AGBL3: variants seen among roughly 807,000 people sequenced by gnomAD.
AGBL3 encodes cytosolic carboxypeptidase 3.
AGBL3 carries 68 observed loss-of-function variants against 94.5 expected under a neutral mutation model. The observed-to-expected ratio is 0.72, with a 90% CI of 0.59 to 0.88. AGBL3 has a LOEUF of 0.88. Ranked by LOEUF, AGBL3 falls within the 40% of genes least tolerant of loss-of-function variation. The probability of loss-of-function intolerance (pLI) is 0.00; values close to 1 mark genes in which losing one functional copy is unlikely to be tolerated. For synonymous variants in AGBL3, 354 were observed against 370.7 expected (o/e 0.95, Z 0.52); for missense variants, 934 against 1,103.8 (o/e 0.85, Z 2.18).
At chr7:135,035,848 GAACTT>G (rs1215343435) in intron 7 of AGBL3, among the ~76,000 whole-genome samples, 2 of 152,082 alleles carry the variant, frequency 1.3e-5, no homozygotes, top group African/African-American at 4.8e-5. Context: ...TCATATTTAA[GAACTT>G]AACTTGATAT....
intron 15 of AGBL3, among the ~76,000 whole-genome samples, chr7:135,110,330 G>A (rs1825442345): frequency 1.3e-5 from 2 of 152,216 alleles, no homozygotes; most frequent in Non-Finnish European, 2.9e-5. Flanking sequence ...GGTATGTACA[G>A]AGGTCTAACT....
At chr7:135,025,164 T>C (rs994728900) in intron 5 of AGBL3, among the ~76,000 whole-genome samples, 7 of 151,430 alleles carry the variant, frequency 4.6e-5, no homozygotes, top group Non-Finnish European at 1.0e-4. Context: ...TCATGGTACA[T>C]AGTCAGCAGA....
intron 4 of AGBL3, among the ~76,000 whole-genome samples, chr7:135,015,013 C>A (rs560933483): frequency 6.6e-6 from 1 of 152,140 alleles, no homozygotes; most frequent in Non-Finnish European, 1.5e-5. Flanking sequence ...CAGACATCAA[C>A]AAGGATAGTA....
chr7:135,127,767 C>T (rs556769983), intron 16 of AGBL3, among the ~76,000 whole-genome samples: 159 of 152,144 alleles, frequency 1.0e-3, no homozygotes, highest in Non-Finnish European at 1.7e-3. Context: ...GACAGTATGG[C>T]GATTCCTCAA....
At position 135,036,975 on chromosome 7, in the gene AGBL3, A is replaced by G. The variant is rs1584909092; in HGVS notation, c.1338-443A>G. ...TCTGTTGCCCAGGCTGGAGTGCAGT[A>G]GTAATGCTGTCTTCGCTCACTGCAA... On this transcript the variant is annotated intron_variant, in intron 7 of 16. Transcript: ENST00000436302. Among the ~76,000 whole-genome samples, 4 of 152,096 alleles carry G rather than the reference A, an allele frequency of 2.6e-5. No homozygotes were observed. In the South Asian group the frequency reaches 6.2e-4, roughly 24 times the overall value.
At chr7:135,010,188 T>A (rs6958457) in intron 4 of AGBL3, 1 of 326,592 alleles carries the variant, frequency 3.1e-6, no homozygotes, top group South Asian at 2.3e-5. Context: ...GCCACCACGC[T>A]CAGCTAATTT....
chr7:135,104,352 T>C (rs1824322026), intron 15 of AGBL3, among the ~76,000 whole-genome samples: 1 of 152,216 alleles, frequency 6.6e-6, no homozygotes, highest in African/African-American at 2.4e-5. Context: ...GTCTTTGCTA[T>C]TATTCACAAT....
chr7:135,050,518 C>T (rs367574816), intron 11 of AGBL3, among the ~76,000 whole-genome samples: 2 of 150,318 alleles, frequency 1.3e-5, no homozygotes, highest in African/African-American at 4.9e-5. Flanking sequence ...TTTCTCTCTT[C>T]GGTTCTATCA....
At chr7:135,117,343 C>T (rs1455254705) in intron 16 of AGBL3, among the ~76,000 whole-genome samples, 1 of 145,472 alleles carries the variant, frequency 6.9e-6, no homozygotes, top group Non-Finnish European at 1.5e-5. Flanking sequence ...TTCATTTTGG[C>T]TTAAGAACAG....
intron 11 of AGBL3, among the ~76,000 whole-genome samples, chr7:135,050,724 A>G (rs1368590818): frequency 6.6e-6 from 1 of 152,042 alleles, no homozygotes; most frequent in African/African-American, 2.4e-5. Context: ...ATATAAGTAT[A>G]GCTATTCTTG....
intron 8 of AGBL3, among the ~76,000 whole-genome samples, chr7:135,043,524 C>A (rs753288892): frequency 6.6e-6 from 1 of 151,912 alleles, no homozygotes; most frequent in Non-Finnish European, 1.5e-5. Flanking sequence ...TTTGATGGCA[C>A]AAGAGGGTGA....
At chr7:134,986,807 C>T (rs963058788) in intron 1 of AGBL3, 106 bp downstream of exon 1, 1 of 152,294 alleles carries the variant, frequency 6.6e-6, no homozygotes, top group Admixed American at 6.5e-5. Flanking sequence ...GGAAGGAACT[C>T]GGCCGCCCGG....
chr7:135,016,186 T>G (rs920535612), intron 4 of AGBL3, among the ~76,000 whole-genome samples: 3 of 152,196 alleles, frequency 2.0e-5, no homozygotes, highest in African/African-American at 7.2e-5. Flanking sequence ...GATTTTTAAA[T>G]AAAACATTTA....
At chr7:135,032,459 C>A (rs1815854708) in intron 5 of AGBL3, among the ~76,000 whole-genome samples, 1 of 149,642 alleles carries the variant, frequency 6.7e-6, no homozygotes. Context: ...CACGTGCCAC[C>A]ACACCTGGCT....
chr7:135,032,972 G>A lies in AGBL3; in HGVS notation c.547G>A (p.Val183Ile). Residue 183 changes from valine to isoleucine, a missense_variant, in exon 6 of 17, where the codon GTA becomes ATA. By Grantham distance (29) the Val-to-Ile change is conservative. Around this residue, in one of 3 missense-constraint regions of AGBL3, gnomAD observed 488 missense variants for 563.6 expected, o/e 0.87. Coordinates refer to ENST00000436302, the MANE Select transcript of AGBL3 (RefSeq NM_178563.4). ...ARFESGNLQK[V>I]VKVAEYEYQL... ...GTTTGAGAGTGGTAATCTACAGAAG[G>A]TAGTCAAAGTGTAGGTTCTAATTAT... The A allele has an allele frequency of 6.5e-7, 1 of 1,548,066 alleles. No individual in the cohort carries two copies. The highest frequency in any genetic ancestry group is 8.7e-7 in the Non-Finnish European group (1 of 1,145,344).
chr7:134,998,229 C>T (rs1811252254), intron 4 of AGBL3, among the ~76,000 whole-genome samples: 2 of 152,190 alleles, frequency 1.3e-5, no homozygotes, highest in Admixed American at 6.5e-5. Context: ...ATCATTATAT[C>T]TTATGACCAG....
intron 5 of AGBL3, among the ~76,000 whole-genome samples, chr7:135,020,622 C>T (rs4324874): frequency 0.93 from 141,630 of 152,138 alleles, 66,700 homozygotes; most frequent in Non-Finnish European, 1. Context: ...ATGTTTATTG[C>T]GGCACTATTC....
intron 5 of AGBL3, among the ~76,000 whole-genome samples, chr7:135,017,944 G>C (rs1813993047): frequency 6.6e-6 from 1 of 152,088 alleles, no homozygotes; most frequent in Non-Finnish European, 1.5e-5. Flanking sequence ...ACCTGCCTCA[G>C]AACTGCCATA....
intron 16 of AGBL3, among the ~76,000 whole-genome samples, chr7:135,125,033 C>A (rs1472520302): frequency 6.6e-6 from 1 of 151,752 alleles, no homozygotes; most frequent in Non-Finnish European, 1.5e-5. Flanking sequence ...TAGCAGAAGA[C>A]AAGAAATAAC....
Sources: allele counts gnomAD v4.1 joint callset (sites outside exome capture counted in the v4.1 genomes callset), GRCh38; gene constraint gnomAD v4.1.1; regional missense constraint gnomAD v4.1.1; transcripts MANE v1.5; gene names NCBI Gene and HGNC (gene_info 2026-07-23, HGNC 2026-07-21).